INKA2: variants seen among roughly 807,000 people sequenced by gnomAD.
The protein encoded by INKA2 is inka box actin regulator 2.
INKA2 carries 3 observed loss-of-function variants against 9.8 expected under a neutral mutation model. The ratio of observed to expected loss-of-function variants is 0.31; its 90% CI spans 0.14 to 0.79. The LOEUF (loss-of-function observed/expected upper bound fraction) is 0.79. Ranked by LOEUF, INKA2 falls within the 30% of genes least tolerant of loss-of-function variation. The pLI, the probability that INKA2 is intolerant of heterozygous loss-of-function variation, is 0.62. For missense variants in INKA2, 392 were observed against 384.4 expected (o/e 1.02, Z -0.17); for synonymous variants, 147 against 143.3 (o/e 1.03, Z -0.18).
chr1:111,726,714 C>A lies in INKA2; in HGVS notation c.*254G>T. 2 of 491,460 alleles carry A rather than the reference C, an allele frequency of 4.1e-6. No homozygotes were observed. The highest frequency in any genetic ancestry group is 7.3e-6 in the Non-Finnish European group (2 of 273,736). 30.4% of individuals were successfully genotyped at this position (491,460 alleles called of 1,614,324 possible). On this transcript the variant is annotated 3_prime_UTR_variant, in exon 2 of 2. Transcript: ENST00000357260. ...CATGCCAGACAGACACACACATGCACACACACACACACACACGCACAGCTC... is the reference window on the plus strand; with the variant it reads ...CATGCCAGACAGACACACACATGCAAACACACACACACACACGCACAGCTC...
upstream of INKA2, among the ~76,000 whole-genome samples, chr1:111,740,856 C>T (rs1266103790): frequency 6.6e-6 from 1 of 151,796 alleles, no homozygotes. Context: ...CCTGTAATCC[C>T]AGCTACTCCG....
upstream of INKA2, among the ~76,000 whole-genome samples, chr1:111,741,907 G>A (rs920661852): frequency 4.6e-5 from 7 of 152,090 alleles, no homozygotes; most frequent in Non-Finnish European, 1.0e-4. Context: ...GTAGAGACGG[G>A]GTTTCACCAT....
chr1:111,724,601 C>CACT lies in INKA2; in HGVS notation c.*2366_*2367insAGT, dbSNP rs1423401501. The CACT allele has an allele frequency of 6.2e-4, 90 of 145,312 alleles. No individual in the cohort carries two copies. The highest frequency in any genetic ancestry group is 2.2e-3 in the African/African-American group (83 of 37,504). 9.0% of individuals were successfully genotyped at this position (145,312 alleles called of 1,614,324 possible). On this transcript the variant is annotated 3_prime_UTR_variant, in exon 2 of 2. Coordinates refer to ENST00000357260, the MANE Select transcript of INKA2 (RefSeq NM_019099.5). ...CACACACACACACACACACACACAC[C>CACT]ACCACTACCACCACCACCACCACCA...
Position 111,733,683 on chromosome 1 carries a change from G to C in INKA2, c.57+5503C>G, listed in dbSNP as rs1350224328. Among the ~76,000 whole-genome samples the C allele has an allele frequency of 2.6e-5, 4 of 152,304 alleles. No homozygotes were observed. In the East Asian group the frequency reaches 7.7e-4, roughly 29 times the overall value. On this transcript the variant is annotated intron_variant, in intron 1 of 1. Transcript: ENST00000357260. ...CAGCCCTGAGCCCCACAGAGGTTGT[G>C]TGGGGTCAGCTGGCCATGGACAGCA...
chr1:111,729,638 G>A (rs1232143458), intron 1 of INKA2, among the ~76,000 whole-genome samples: 2 of 152,242 alleles, frequency 1.3e-5, no homozygotes, highest in East Asian at 3.8e-4. Flanking sequence ...AACCTCATAT[G>A]CAGGGACCAT....
In INKA2 at chr1:111,739,248, C is replaced by T. The variant is rs1309529267; in HGVS notation, c.-6G>A. On this transcript the variant is annotated 5_prime_UTR_variant, in exon 1 of 2. The change abolishes an upstream ATG in the 5' untranslated region. Coordinates refer to ENST00000357260, the MANE Select transcript of INKA2 (RefSeq NM_019099.5). ...TCCCTGCTCTCCATCGTCATGCGCC[C>T]ATTTGTCGGGTTCGGTTCAAACAGA... is the stretch of plus-strand genomic sequence containing the variant. The T allele has an allele frequency of 6.2e-7, 1 of 1,613,740 alleles. No homozygotes were observed. Among genetic ancestry groups the T allele is most frequent in the South Asian group, 1.1e-5 (1 of 91,082 alleles).
In INKA2 at chr1:111,727,374, G is replaced by A; in HGVS notation, c.488C>T (p.Ala163Val). 6.2e-7 allele frequency: 1 copy of A among 1,613,908 alleles called. No homozygotes were observed. The highest frequency in any genetic ancestry group is 8.5e-7 in the Non-Finnish European group (1 of 1,179,932). ...QPLVLGDNVF[A>V]DLVGNWLDLP... ...GTCTAGCCAATTGCCCACCAGGTCTGCAAAAACGTTGTCCCCTAACACCAG... is the reference window on the plus strand; with the variant it reads ...GTCTAGCCAATTGCCCACCAGGTCTACAAAAACGTTGTCCCCTAACACCAG... Residue 163 changes from alanine to valine, a missense_variant, in exon 2 of 2, where the codon GCA becomes GTA. Physicochemically the swap from Ala to Val is moderately conservative, Grantham distance 64. Transcript: ENST00000357260.
At chr1:111,749,447 C>T (rs197378) in intron 1 of INKA2, among the ~76,000 whole-genome samples, 1,842 of 106,690 alleles carry the variant, frequency 0.017, 43 homozygotes, top group African/African-American at 0.068. Flanking sequence ...TGTGTGTGTG[C>T]GCGCGCGCGC....
intron 1 of INKA2, among the ~76,000 whole-genome samples, chr1:111,738,192 G>A (rs1473602328): frequency 6.6e-6 from 1 of 152,260 alleles, no homozygotes; most frequent in Non-Finnish European, 1.5e-5. Context: ...AGACACAACA[G>A]AGAGCCTAGT....
intron 1 of INKA2, 45 bp downstream of exon 1, chr1:111,739,140 CG>C: frequency 6.3e-7 from 1 of 1,587,032 alleles, no homozygotes. Flanking sequence ...AGGTGCCCGT[CG>C]GGGCGGAGCA....
intron 1 of INKA2, among the ~76,000 whole-genome samples, chr1:111,752,635 T>C (rs1369930932): frequency 6.6e-6 from 1 of 152,142 alleles, no homozygotes; most frequent in Non-Finnish European, 1.5e-5. Flanking sequence ...CCCCCACCGA[T>C]CCTCACACCC....
upstream of INKA2, among the ~76,000 whole-genome samples, chr1:111,741,120 A>T (rs1279798574): frequency 1.3e-5 from 2 of 149,804 alleles, no homozygotes; most frequent in Non-Finnish European, 3.0e-5. Flanking sequence ...AGGGAGGGTG[A>T]GAGAGAGAAA....
chr1:111,722,946 A>C lies in INKA2; in HGVS notation c.*4022T>G, dbSNP rs992757401. On this transcript the variant is annotated 3_prime_UTR_variant, in exon 2 of 2. Transcript: ENST00000357260. ...GACCGTAGGTGCATTATGTCCTTTAAATCTCACAGCAGCCCCACATTATCA... is the reference window on the plus strand; with the variant it reads ...GACCGTAGGTGCATTATGTCCTTTACATCTCACAGCAGCCCCACATTATCA... 4 of 632,808 alleles carry C rather than the reference A, an allele frequency of 6.3e-6. No individual in the cohort carries two copies. The highest frequency in any genetic ancestry group is 8.5e-6 in the Non-Finnish European group (3 of 351,866). The allele number at this position is 632,808 out of a possible 1,614,324, so 39.2% of individuals were successfully genotyped here. A position where few individuals can be genotyped will look rare whatever the true frequency, so the allele number is the denominator to read the frequency against.
At position 111,739,052 on chromosome 1, in the gene INKA2, C is replaced by A. The variant is rs547182724; in HGVS notation, c.57+134G>T. On this transcript the variant is annotated intron_variant, in intron 1 of 1. Coordinates refer to ENST00000357260, the MANE Select transcript of INKA2 (RefSeq NM_019099.5). Reference sequence around the variant, plus strand: ...ACAAGCCCTGCCCTCTGCCTGCGGGCCCGCGTCCTCTCCTCTCTTCCCTGG... The same window carrying A: ...ACAAGCCCTGCCCTCTGCCTGCGGGACCGCGTCCTCTCCTCTCTTCCCTGG... The A allele has an allele frequency of 1.4e-3, 1,094 of 800,344 alleles. 6 individuals are homozygous for A. Among genetic ancestry groups the A allele is most frequent in the Non-Finnish European group, 1.6e-3 (754 of 480,376 alleles). The allele number at this position is 800,344 out of a possible 1,614,324, so 49.6% of individuals were successfully genotyped here.
Position 111,724,590 on chromosome 1 carries a change from CA to C in INKA2, c.*2377del, listed in dbSNP as rs1662724284. On this transcript the variant is annotated 3_prime_UTR_variant, in exon 2 of 2. Transcript: ENST00000357260. Reference sequence around the variant, plus strand: ...GCACACACACACACACACACACACACACACACACACCACCACTACCACCACC... The same window carrying C: ...GCACACACACACACACACACACACACCACACACACCACCACTACCACCACC... The C allele has an allele frequency of 6.6e-6, 1 of 152,550 alleles. No individual in the cohort carries two copies. The highest frequency in any genetic ancestry group is 1.5e-5 in the Non-Finnish European group (1 of 68,472). The allele number at this position is 152,550 out of a possible 1,614,324, so 9.4% of individuals were successfully genotyped here.
chr1:111,743,077 G>A (rs1365128536), upstream of INKA2, among the ~76,000 whole-genome samples: 1 of 152,152 alleles, frequency 6.6e-6, no homozygotes, highest in African/African-American at 2.4e-5. Context: ...AAAGCCTGTT[G>A]CCATGGTTAT....
At chr1:111,752,546 C>G (rs1663433460) in intron 1 of INKA2, among the ~76,000 whole-genome samples, 1 of 152,134 alleles carries the variant, frequency 6.6e-6, no homozygotes, top group Non-Finnish European at 1.5e-5. Flanking sequence ...AATAATATTG[C>G]CTACCTTGTG....
At position 111,727,640 on chromosome 1, in the gene INKA2, G is replaced by A. The variant is rs115535779; in HGVS notation, c.222C>T (p.Cys74=). 113 of 1,608,380 alleles carry A rather than the reference G, an allele frequency of 7.0e-5. No individual in the cohort carries two copies. In the African/African-American group the frequency reaches 1.3e-3, roughly 19 times the overall value. The change falls in exon 2 of 2, where the codon TGC becomes TGT. Residue 74 remains cysteine (C), a synonymous_variant. Coordinates refer to ENST00000357260, the MANE Select transcript of INKA2 (RefSeq NM_019099.5). ...TGCCACCCTCCCAACAAGGGTGCTCGCACTGGGTCCTGGGACCTTCAGGGC... is the reference window on the plus strand; with the variant it reads ...TGCCACCCTCCCAACAAGGGTGCTCACACTGGGTCCTGGGACCTTCAGGGC... The part of the protein sequence containing the change: ...PGSPEGPRTQ[C]EHPCWEGGRG...
At chr1:111,738,312 A>G (rs566137541) in intron 1 of INKA2, among the ~76,000 whole-genome samples, 2 of 152,044 alleles carry the variant, frequency 1.3e-5, no homozygotes, top group South Asian at 4.2e-4. Context: ...GGGCGGGGGC[A>G]GTGGTATATG....
Sources: gnomAD v4.1 joint callset for allele counts (sites outside exome capture counted in the v4.1 genomes callset) on GRCh38, gnomAD v4.1.1 for gene constraint, MANE v1.5 for transcripts, NCBI Gene and HGNC (gene_info 2026-07-23, HGNC 2026-07-21) for gene names.